The following CCL16 variants were observed in gnomAD, a reference collection of about 807,000 sequenced individuals.
CCL16 encodes the protein C-C motif chemokine ligand 16.
Under a neutral mutation model 7.5 loss-of-function variants are expected in CCL16, and 6 were observed. The ratio of observed to expected loss-of-function variants is 0.80; its 90% CI spans 0.44 to 1.57. The LOEUF is 1.57. Ranked by LOEUF, CCL16 falls within the 40% of genes most tolerant of loss-of-function variation. The pLI, the probability that CCL16 is intolerant of heterozygous loss-of-function variation, is 0.01. For synonymous variants in CCL16, 60 were observed against 57.7 expected, an observed-to-expected ratio of 1.04 and a Z score of -0.18; for missense variants, 134 against 142.9, an observed-to-expected ratio of 0.94 and a Z score of 0.32.
At chr17:35,979,204 G>A (rs929970604) in intron 1 of CCL16, among the ~76,000 whole-genome samples, 1 of 152,144 alleles carries the variant, frequency 6.6e-6, no homozygotes, top group Non-Finnish European at 1.5e-5. Context: ...AAGCCTGAAG[G>A]TAGGGGAAGC....
At position 35,977,584 on chromosome 17, in the gene CCL16, C is replaced by T. The variant is rs1480953410; in HGVS notation, c.345G>A (p.Gln115=). ...KIITAKNGQP[Q]LLNSQ Reference sequence around the variant, plus strand: ...CTGGTCATCACTGGGAGTTGAGGAGCTGGGGTTGACCATTCTTTGCTGTAA... The same window carrying T: ...CTGGTCATCACTGGGAGTTGAGGAGTTGGGGTTGACCATTCTTTGCTGTAA... Residue 115 remains glutamine, a synonymous_variant, in exon 3 of 3, where the codon CAG becomes CAA. Coordinates refer to ENST00000611905, the MANE Select transcript of CCL16 (RefSeq NM_004590.4). The T allele has an allele frequency of 1.2e-6, 2 of 1,612,638 alleles. No homozygotes were observed. The highest frequency in any genetic ancestry group is 3.3e-5 in the Admixed American group (2 of 60,012).
At chr17:35,977,753 G>A (rs199673019) in intron 2 of CCL16, 22 bp from the exon 3 acceptor site, 31 of 1,608,340 alleles carry the variant, frequency 1.9e-5, no homozygotes, top group East Asian at 1.8e-4. Context: ...GAATTAGACC[G>A]TCATGGGCTG....
rs946898187 is a variant in CCL16 at position 35,976,602 on chromosome 17, AC to A, written c.*963del. 1.2e-4 allele frequency: 18 copies of A among 151,222 alleles called. No individual in the cohort carries two copies. Among genetic ancestry groups the A allele is most frequent in the African/African-American group, 4.4e-4 (18 of 41,232 alleles). The allele number at this position is 151,222 out of a possible 1,614,324, so 9.4% of individuals were successfully genotyped here. On this transcript the variant is annotated 3_prime_UTR_variant, in exon 3 of 3. Coordinates refer to ENST00000611905, the MANE Select transcript of CCL16 (RefSeq NM_004590.4). ...TTCTTTCCCTGTCCTGCAAAGCTTAACATGGGAGGTAGAGATTTGTGTCTCT... is the reference window on the plus strand; with the variant it reads ...TTCTTTCCCTGTCCTGCAAAGCTTAAATGGGAGGTAGAGATTTGTGTCTCT...
At chr17:35,978,369 G>A (rs565397401) in intron 1 of CCL16, 106 bp from the exon 2 acceptor site, 360 of 1,463,024 alleles carry the variant, frequency 2.5e-4, no homozygotes, top group African/African-American at 1.6e-3. Flanking sequence ...TAGCAAAGCC[G>A]TCTGTTAGAG....
intron 1 of CCL16, among the ~76,000 whole-genome samples, 179 bp from the exon 2 acceptor site, chr17:35,978,442 A>C (rs1279934603): frequency 2.0e-5 from 3 of 152,250 alleles, no homozygotes; most frequent in Non-Finnish European, 2.9e-5. Flanking sequence ...GGGGACATAC[A>C]TTTAGAACCC....
rs942234973 is a variant in CCL16 at position 35,976,549 on chromosome 17, G to C, written c.*1017C>G. ...TGCATGTTTGGGTTTTGGACTAAGA[G>C]TTTACCCCTAGCCGTGTCTCATACC... On this transcript the variant is annotated 3_prime_UTR_variant, in exon 3 of 3. Transcript: ENST00000611905. 6.6e-6 allele frequency: 1 copy of C among 152,002 alleles called. No homozygotes were observed. The allele number at this position is 152,002 out of a possible 1,614,324, so 9.4% of individuals were successfully genotyped here.
intron 1 of CCL16, 82 bp downstream of exon 1, chr17:35,981,263 G>C (rs754164622): frequency 1.1e-6 from 1 of 937,480 alleles, no homozygotes; most frequent in Non-Finnish European, 1.7e-6. Context: ...CCAGAGACCC[G>C]ACAGCGCCCT....
rs1598729203 is a variant in CCL16 at position 35,976,682 on chromosome 17, C to T, written c.*884G>A. On this transcript the variant is annotated 3_prime_UTR_variant, in exon 3 of 3. Transcript: ENST00000611905. ...TTTTTTTTTTTTCCAATCAGGCACT[C>T]TCTGTACCCCTGCCACCCTGAGGAA... The T allele has an allele frequency of 6.7e-6, 1 of 149,832 alleles. No homozygotes were observed. Among genetic ancestry groups the T allele is most frequent in the South Asian group, 2.1e-4 (1 of 4,752 alleles). 9.3% of individuals were successfully genotyped at this position (149,832 alleles called of 1,614,324 possible).
At chr17:35,980,026 T>C (rs148111315) in intron 1 of CCL16, among the ~76,000 whole-genome samples, 1,551 of 152,270 alleles carry the variant, frequency 0.01, 28 homozygotes, top group Admixed American at 0.041. Flanking sequence ...ACTGGCCTGA[T>C]TGACTCTCCC....
chr17:35,977,783 G>A lies in CCL16; in HGVS notation c.198-52C>T, dbSNP rs763998359. ...GGGCTGCAGACTCGGGCAGGAGTCCGGTGCCCACCCCCACCTCTGGTTCAC... is the reference window on the plus strand; with the variant it reads ...GGGCTGCAGACTCGGGCAGGAGTCCAGTGCCCACCCCCACCTCTGGTTCAC... On this transcript the variant is annotated intron_variant, in intron 2 of 2. Transcript: ENST00000611905. 16 of 1,578,218 alleles carry A rather than the reference G, an allele frequency of 1.0e-5. No individual in the cohort carries two copies. In the Admixed American group the frequency reaches 1.4e-4, roughly 14 times the overall value.
At chr17:35,980,977 A>G (rs2141988692) in intron 1 of CCL16, among the ~76,000 whole-genome samples, 1 of 152,214 alleles carries the variant, frequency 6.6e-6, no homozygotes, top group East Asian at 1.9e-4. Flanking sequence ...TCATTCTTCC[A>G]GGGCACCTGC....
intron 1 of CCL16, among the ~76,000 whole-genome samples, chr17:35,978,691 A>G (rs2089658975): frequency 6.6e-6 from 1 of 152,264 alleles, no homozygotes; most frequent in Non-Finnish European, 1.5e-5. Context: ...TTAAACAAAC[A>G]CTACCACAGA....
chr17:35,977,159 A>C lies in CCL16; in HGVS notation c.*407T>G, dbSNP rs60941529. 0.013 allele frequency: 2,042 copies of C among 153,138 alleles called. 49 individuals are homozygous for C. The highest frequency in any genetic ancestry group is 0.047 in the African/African-American group (1,939 of 41,562). The allele number at this position is 153,138 out of a possible 1,614,324, so 9.5% of individuals were successfully genotyped here. A position where few individuals can be genotyped will look rare whatever the true frequency, so the allele number is the denominator to read the frequency against. On this transcript the variant is annotated 3_prime_UTR_variant, in exon 3 of 3. Coordinates refer to ENST00000611905, the MANE Select transcript of CCL16 (RefSeq NM_004590.4). ...ATGGTAGAATCCCGTCTCTACCAAA[A>C]ATACAAAAATTAGCCAGGTGTGGTG...
intron 1 of CCL16, among the ~76,000 whole-genome samples, chr17:35,979,816 C>T (rs2089667494): frequency 6.6e-6 from 1 of 152,148 alleles, no homozygotes. Context: ...GTCCTGACTA[C>T]CCATCAATTG....
rs534523278 is a variant in CCL16, at chr17:35,979,892, T to C, written c.76+1453A>G. ...CCCCCAAACCTTCAGAGTGCAAATC[T>C]TTTTGTAGCTTGACCCCTTTGCCTC... On this transcript the variant is annotated intron_variant, in intron 1 of 2. Transcript: ENST00000611905. 3.3e-4 allele frequency among the ~76,000 whole-genome samples: 51 copies of C among 152,288 alleles called. 1 individual carries two copies. The South Asian group carries it at 0.01, about 31-fold the overall frequency.
intron 1 of CCL16, among the ~76,000 whole-genome samples, chr17:35,978,509 G>A (rs1423197735): frequency 6.6e-6 from 1 of 152,212 alleles, no homozygotes; most frequent in African/African-American, 2.4e-5. Flanking sequence ...ACTTGCCAAG[G>A]AACCGGGAGG....
At chr17:35,980,731 C>T (rs1182133026) in intron 1 of CCL16, among the ~76,000 whole-genome samples, 1 of 152,138 alleles carries the variant, frequency 6.6e-6, no homozygotes, top group African/African-American at 2.4e-5. Context: ...TTCCCCACAG[C>T]TCCAAAACCT....
rs774930177 is a variant in CCL16, at chr17:35,977,695, G to A, written c.234C>T (p.Asn78=). 14 of 1,612,156 alleles carry A rather than the reference G, an allele frequency of 8.7e-6. No homozygotes were observed. The highest frequency in any genetic ancestry group is 2.2e-5 in the East Asian group (1 of 44,894). ...VTKRNREVCT[N]PNDDWVQEYI... The stretch of plus-strand genomic sequence containing the variant: ...ACTCTTGGACCCAGTCGTCATTGGG[G>A]TTGGTGCAGACTTCTCGGTTCCTCT... Residue 78 remains asparagine, a synonymous_variant, in exon 3 of 3, where the codon AAC becomes AAT. Coordinates refer to ENST00000611905, the MANE Select transcript of CCL16 (RefSeq NM_004590.4).
chr17:35,978,034 C>A, intron 2 of CCL16, 109 bp downstream of exon 2: 1 of 1,474,012 alleles, frequency 6.8e-7, no homozygotes, highest in Non-Finnish European at 9.4e-7. Context: ...AAACCCTTAG[C>A]CACTGCTCCA....
Sources: allele counts gnomAD v4.1 joint callset (sites outside exome capture counted in the v4.1 genomes callset), GRCh38; gene constraint gnomAD v4.1.1; transcripts MANE v1.5; gene names NCBI Gene and HGNC (gene_info 2026-07-23, HGNC 2026-07-21).